Variants in EVPL observed in about 807,000 individuals in gnomAD.
EVPL encodes 210 kDa cornified envelope precursor protein.
EVPL carries 94 observed loss-of-function variants against 129.7 expected under a neutral mutation model. The observed-to-expected ratio is 0.72, with a 90% confidence interval of 0.61 to 0.86. The LOEUF is 0.86. Ranked by LOEUF, EVPL falls within the 40% of genes least tolerant of loss-of-function variation. The pLI is 0.00. For missense variants in EVPL, 2,625 were observed against 2,721.1 expected (o/e 0.96, Z 0.79); for synonymous variants, 1,172 against 1,191.1 (o/e 0.98, Z 0.33).
rs1256325149 is a variant in EVPL at position 76,022,303 on chromosome 17, C to T, written c.607-76G>A. ...GACGGCCCCCTAAGATCTGGGCCAG[C>T]CATACCCCACCCACCCCTATCCCCA... On this transcript the variant is annotated intron_variant, in intron 5 of 21. Coordinates refer to ENST00000301607, the MANE Select transcript of EVPL (RefSeq NM_001988.4). This position sits in a 1 kb window ranked among gnomAD's most constrained non-coding sequence, Gnocchi z 5.6. 2.5e-6 allele frequency: 4 copies of T among 1,599,794 alleles called. No homozygotes were observed. In the African/African-American group the frequency reaches 5.3e-5, roughly 21 times the overall value.
At chr17:76,025,175 A>C (rs2066490103) in intron 1 of EVPL, among the ~76,000 whole-genome samples, 1 of 152,222 alleles carries the variant, frequency 6.6e-6, no homozygotes, top group Admixed American at 6.5e-5. Context: ...GATTTTAATA[A>C]AAATATCTAT....
In EVPL at chr17:76,022,865, G is replaced by T. The variant is rs9906344; in HGVS notation, c.481-327C>A. ...CCCTCAGAATGCCCTGCTCCAGCCGGGCCCTTCCCCACTGTCCCTCTATTG... is the reference window on the plus strand; with the variant it reads ...CCCTCAGAATGCCCTGCTCCAGCCGTGCCCTTCCCCACTGTCCCTCTATTG... On this transcript the variant is annotated intron_variant, in intron 4 of 21. Transcript: ENST00000301607. This position sits in a 1 kb window ranked among gnomAD's most constrained non-coding sequence, Gnocchi z 5.6. 4.7e-3 allele frequency among the ~76,000 whole-genome samples: 712 copies of T among 152,188 alleles called. 7 individuals are homozygous for T. Among genetic ancestry groups the T allele is most frequent in the African/African-American group, 0.015 (632 of 41,514 alleles).
At chr17:76,026,923 C>T (rs1407489202) in intron 1 of EVPL, among the ~76,000 whole-genome samples, 178 bp downstream of exon 1, 1 of 152,252 alleles carries the variant, frequency 6.6e-6, no homozygotes, top group East Asian at 1.9e-4. Context: ...CCTGGGCCTG[C>T]GGCTCCCAAG....
chr17:76,021,486 G>A lies in EVPL; in HGVS notation c.993C>T (p.His331=), dbSNP rs1180198252. Residue 331 remains histidine, a synonymous_variant, in exon 9 of 22, where the codon CAC becomes CAT. Transcript: ENST00000301607. ...GGCTCACCCGGCGGTAGTCCTCCAC[G>A]TGCTGCAGCTGGGTCTCCTGGCAGA... ...LCICQETQLQ[H]VEDYRRFQEE... is the part of the protein sequence containing the mutation. The A allele has an allele frequency of 1.3e-6, 2 of 1,594,652 alleles. No homozygotes were observed. The highest frequency in any genetic ancestry group is 1.7e-6 in the Non-Finnish European group (2 of 1,170,448).
rs1372231003 is a variant in EVPL at position 76,015,320 on chromosome 17, G to A, written c.1935C>T (p.Asp645=). Residue 645 remains aspartate, a synonymous_variant, in exon 16 of 22, where the codon GAC becomes GAT. Transcript: ENST00000301607. ...TGGCCTCGAAGCCTCGGATGACCCT[G>A]TCCGCATCCTGGATCTGCCGCTCCA... ...LDLERQIQDA[D]RVIRGFEATL... The A allele has an allele frequency of 3.1e-6, 5 of 1,603,530 alleles. No homozygotes were observed. Among genetic ancestry groups the A allele is most frequent in the Non-Finnish European group, 3.4e-6 (4 of 1,179,126 alleles).
intron 14 of EVPL, 33 bp downstream of exon 14, chr17:76,017,706 C>T (rs1161001297): frequency 3.8e-6 from 6 of 1,599,822 alleles, no homozygotes; most frequent in Non-Finnish European, 5.1e-6. Flanking sequence ...GGCCGCTTCT[C>T]ATCCCAGCCG....
chr17:76,018,571 C>G lies in EVPL; in HGVS notation c.1314G>C (p.Lys438Asn). 1 of 1,608,672 alleles carries G rather than the reference C, an allele frequency of 6.2e-7. No homozygotes were observed. Among genetic ancestry groups the G allele is most frequent in the South Asian group, 1.1e-5 (1 of 90,694 alleles). Residue 438 changes from lysine (K) to asparagine (N), a missense_variant, in exon 12 of 22, where the codon AAG (lysine) becomes AAC (asparagine). Physicochemically the swap from Lys to Asn is moderately conservative, Grantham distance 94. Coordinates refer to ENST00000301607, the MANE Select transcript of EVPL (RefSeq NM_001988.4). The part of the protein sequence containing the change: ...EVQLLQGERY[K>N]LVDNTDPHAW... ...CGTGCGGGTCAGTGTTATCTACCAG[C>G]TTATACCGCTCACCCTGCAGCAGCT... is the stretch of plus-strand genomic sequence containing the variant.
chr17:76,007,944 C>T lies in EVPL; in HGVS notation c.5261G>A (p.Arg1754His), dbSNP rs144906800. The T allele has an allele frequency of 3.5e-5, 57 of 1,613,952 alleles. No homozygotes were observed. Among genetic ancestry groups the T allele is most frequent in the Non-Finnish European group, 4.2e-5 (50 of 1,180,028 alleles). The change falls in exon 22 of 22, where the codon CGC (arginine) becomes CAC (histidine). Residue 1754 changes from arginine to histidine, a missense_variant. Arg to His is a conservative substitution (Grantham distance 29). This residue lies in a region of EVPL where 1,453 missense variants were observed against 1,511.8 expected (regional missense o/e 0.96). Coordinates refer to ENST00000301607, the MANE Select transcript of EVPL (RefSeq NM_001988.4). The surrounding 1 kb of genome is among the most constrained non-coding windows in gnomAD (Gnocchi z 8.8). Reference protein sequence around the residue: ...GKQYSIEAALRCRRISKEEYH... With the variant: ...GKQYSIEAALHCRRISKEEYH... ...CTCCTCCTTAGAGATGCGCCGGCAG[C>T]GGAGGGCGGCCTCGATGGAGTACTG...
At chr17:76,014,819 A>C in intron 17 of EVPL, 97 bp downstream of exon 17, 1 of 1,295,692 alleles carries the variant, frequency 7.7e-7, no homozygotes, top group Non-Finnish European at 1.0e-6. Flanking sequence ...AGCTTCAGAG[A>C]CGTGAAGTCA....
Position 76,007,829 on chromosome 17 carries a change from G to T in EVPL, c.5376C>A (p.Ile1792=). The change falls in exon 22 of 22, where the codon ATC becomes ATA. Residue 1792 remains isoleucine, a synonymous_variant. Transcript: ENST00000301607. This position sits in a 1 kb window ranked among gnomAD's most constrained non-coding sequence, Gnocchi z 8.8. The stretch of plus-strand genomic sequence containing the variant: ...GCGGGGACTTGGAGATGATAGAGCC[G>T]ATGGAGAGTGAGGAGCTTGGCTTGG... ...GETKPSSSLS[I]GSIISKSPLA... The T allele has an allele frequency of 6.2e-7, 1 of 1,611,802 alleles. No homozygotes were observed. Among genetic ancestry groups the T allele is most frequent in the Non-Finnish European group, 8.5e-7 (1 of 1,178,292 alleles).
In EVPL at chr17:76,013,023, C is replaced by T. The variant is rs551682362; in HGVS notation, c.2374-934G>A. Among the ~76,000 whole-genome samples, 14 of 152,220 alleles carry T rather than the reference C, an allele frequency of 9.2e-5. No individual in the cohort carries two copies. The East Asian group carries it at 2.5e-3, about 27-fold the overall frequency. On this transcript the variant is annotated intron_variant, in intron 18 of 21. Coordinates refer to ENST00000301607, the MANE Select transcript of EVPL (RefSeq NM_001988.4). This position sits in a 1 kb window ranked among gnomAD's most constrained non-coding sequence, Gnocchi z 4.3. Reference sequence around the variant, plus strand: ...CCTCCCAAAGTGCTGGGATTACAGGCGTGAGCCACCGCGCCCGGCCTGAGA... The same window carrying T: ...CCTCCCAAAGTGCTGGGATTACAGGTGTGAGCCACCGCGCCCGGCCTGAGA...
chr17:76,019,032 T>A lies in EVPL; in HGVS notation c.1166A>T (p.Glu389Val). 1 of 1,574,792 alleles carries A rather than the reference T, an allele frequency of 6.4e-7. No homozygotes were observed. Among genetic ancestry groups the A allele is most frequent in the Admixed American group, 2.0e-5 (1 of 49,656 alleles). ...EAEEKRLAVT[E>V]RATGDLQRRS... The stretch of plus-strand genomic sequence containing the variant: ...CCGCTGCAGGTCCCCAGTGGCCCTC[T>A]CGGTGACGGCCAGCCGTTTTTCCTC... The change falls in exon 11 of 22, where the codon GAG becomes GTG. Residue 389 changes from glutamate (E) to valine (V), a missense_variant. Coordinates refer to ENST00000301607, the MANE Select transcript of EVPL (RefSeq NM_001988.4).
rs1190220833 is a variant in EVPL at position 76,022,960 on chromosome 17, C to T, written c.480+332G>A. Among the ~76,000 whole-genome samples the T allele has an allele frequency of 6.6e-6, 1 of 152,182 alleles. No individual in the cohort carries two copies. The highest frequency in any genetic ancestry group is 1.5e-5 in the Non-Finnish European group (1 of 68,016). On this transcript the variant is annotated intron_variant, in intron 4 of 21. Transcript: ENST00000301607. This position sits in a 1 kb window ranked among gnomAD's most constrained non-coding sequence, Gnocchi z 5.6. ...AACCAGGGATCAGAATGTCCCATGACCTGGCTCTGCCCACCTGCCCAGAAA... is the reference window on the plus strand; with the variant it reads ...AACCAGGGATCAGAATGTCCCATGATCTGGCTCTGCCCACCTGCCCAGAAA...
rs143086182 is a variant in EVPL at position 76,007,983 on chromosome 17, C to T, written c.5222G>A (p.Arg1741His). ...PCGEESVLLD[R>H]KSGKQYSIEA... ...GATGGAGTACTGCTTCCCGCTCTTG[C>T]GGTCCAGGAGCACAGACTCCTCCCC... is the stretch of plus-strand genomic sequence containing the variant. The change falls in exon 22 of 22, where the codon CGC becomes CAC. Residue 1741 changes from arginine (R) to histidine (H), a missense_variant. Transcript: ENST00000301607. The surrounding 1 kb of genome is among the most constrained non-coding windows in gnomAD (Gnocchi z 8.8). 2.3e-4 allele frequency: 379 copies of T among 1,614,070 alleles called. No individual in the cohort carries two copies. The highest frequency in any genetic ancestry group is 3.0e-4 in the Non-Finnish European group (353 of 1,180,020).
intron 9 of EVPL, among the ~76,000 whole-genome samples, chr17:76,020,383 G>A (rs963546054): frequency 5.9e-5 from 9 of 152,168 alleles, no homozygotes; most frequent in Admixed American, 3.9e-4. Context: ...GAAGGGCACC[G>A]TCACCTGCCT....
intron 12 of EVPL, 49 bp downstream of exon 12, chr17:76,018,397 G>T (rs778799050): frequency 1.3e-6 from 2 of 1,571,160 alleles, no homozygotes; most frequent in Non-Finnish European, 1.7e-6. Flanking sequence ...CCGCAGGGCC[G>T]GCCTGCTCTG....
chr17:76,024,380 G>A lies in EVPL; in HGVS notation c.99-260C>T, dbSNP rs1281289926. Among the ~76,000 whole-genome samples the A allele has an allele frequency of 1.3e-5, 2 of 151,472 alleles. No individual in the cohort carries two copies. Among genetic ancestry groups the A allele is most frequent in the Admixed American group, 1.3e-4 (2 of 15,230 alleles). Reference sequence around the variant, plus strand: ...TGGGGAGGGGGCAGGCGGCCTCGGTGTCCCAGCCTTAGCCAGCTGTGCTGG... The same window carrying A: ...TGGGGAGGGGGCAGGCGGCCTCGGTATCCCAGCCTTAGCCAGCTGTGCTGG... On this transcript the variant is annotated intron_variant, in intron 1 of 21. Transcript: ENST00000301607. This position sits in a 1 kb window ranked among gnomAD's most constrained non-coding sequence, Gnocchi z 4.5.
Position 76,014,944 on chromosome 17 carries a change from G to A in EVPL, c.2194C>T (p.His732Tyr). ...AGGTCCAGCTGGTCCCCTACGGCGT[G>A]GTAGCGGTCGGTGAGGGCTCGCACC... is the stretch of plus-strand genomic sequence containing the variant. ...RQVRALTDRYHAVGDQLDLRE... is the reference protein window; with the variant it reads ...RQVRALTDRYYAVGDQLDLRE... Residue 732 changes from histidine (H) to tyrosine (Y), a missense_variant, in exon 17 of 22, where the codon CAC (histidine) becomes TAC (tyrosine). Physicochemically the swap from His to Tyr is moderately conservative, Grantham distance 83 (BLOSUM62 2). Coordinates refer to ENST00000301607, the MANE Select transcript of EVPL (RefSeq NM_001988.4). 2.5e-6 allele frequency: 4 copies of A among 1,592,498 alleles called. No homozygotes were observed. The highest frequency in any genetic ancestry group is 3.4e-6 in the Non-Finnish European group (4 of 1,170,880).
Position 76,007,444 on chromosome 17 carries a change from C to T in EVPL, c.5761G>A (p.Val1921Ile), listed in dbSNP as rs141706835. 4.0e-4 allele frequency: 636 copies of T among 1,591,682 alleles called. No homozygotes were observed. The highest frequency in any genetic ancestry group is 5.0e-4 in the Non-Finnish European group (582 of 1,171,218). ...TCCCGGGGCATCCAGCCCTTCTGGA[C>T]GGCCTCGCCCACCGAGAGCCTCTTC... ...TKKRLSVGEA[V>I]QKGWMPRESV... The change falls in exon 22 of 22, where the codon GTC becomes ATC. Residue 1921 changes from valine to isoleucine, a missense_variant. Physicochemically the swap from Val to Ile is conservative, Grantham distance 29. Around this residue, in one of 4 missense-constraint regions of EVPL, gnomAD observed 1,453 missense variants for 1,511.8 expected, o/e 0.96. Transcript: ENST00000301607. The surrounding 1 kb of genome is among the most constrained non-coding windows in gnomAD (Gnocchi z 8.8).
Sources: allele counts gnomAD v4.1 joint callset (sites outside exome capture counted in the v4.1 genomes callset), GRCh38; gene constraint gnomAD v4.1.1; regional missense constraint gnomAD v4.1.1; non-coding constraint Gnocchi (gnomAD v3.1); transcripts MANE v1.5; gene names NCBI Gene and HGNC (gene_info 2026-07-23, HGNC 2026-07-21).